RC3H1: variants seen among roughly 807,000 people sequenced by gnomAD.
RC3H1 encodes roquin-1.
Under a neutral mutation model 138.2 loss-of-function variants are expected in RC3H1, and 50 were observed. The observed-to-expected ratio is 0.36, with a 90% CI of 0.29 to 0.46. RC3H1 has a LOEUF of 0.46. Ranked by LOEUF, RC3H1 falls within the 20% of genes least tolerant of loss-of-function variation. RC3H1 has a pLI of 1.00. For synonymous variants in RC3H1, 462 were observed against 489.1 expected, an observed-to-expected ratio of 0.94 and a Z score of 0.73; for missense variants, 1,031 against 1,388.1, an observed-to-expected ratio of 0.74 and a Z score of 4.09.
At chr1:174,021,745 C>A (rs1352621014) in intron 1 of RC3H1, among the ~76,000 whole-genome samples, 1 of 152,210 alleles carries the variant, frequency 6.6e-6, no homozygotes, top group Non-Finnish European at 1.5e-5. Context: ...AGTTCCCGTG[C>A]GCATTCCCCG....
In RC3H1 at chr1:173,934,427, T is replaced by C. The variant is rs932559357; in HGVS notation, c.*4294A>G. On this transcript the variant is annotated 3_prime_UTR_variant, in exon 20 of 20. Transcript: ENST00000367696. Reference sequence around the variant, plus strand: ...GAAACTGATGAATTTTCATTACTTTTACATTTTATAAGGCTAGCTAACTTT... The same window carrying C: ...GAAACTGATGAATTTTCATTACTTTCACATTTTATAAGGCTAGCTAACTTT... The C allele has an allele frequency of 6.6e-6, 1 of 152,240 alleles. No individual in the cohort carries two copies. Among genetic ancestry groups the C allele is most frequent in the Admixed American group, 6.5e-5 (1 of 15,288 alleles). The allele number at this position is 152,240 out of a possible 1,614,324, so 9.4% of individuals were successfully genotyped here. A position where few individuals can be genotyped will look rare whatever the true frequency, so the allele number is the denominator to read the frequency against.
chr1:173,944,050 C>T (rs143562062), intron 17 of RC3H1, among the ~76,000 whole-genome samples: 77 of 151,614 alleles, frequency 5.1e-4, no homozygotes, highest in Non-Finnish European at 7.5e-4. Flanking sequence ...GGTGTGGGCC[C>T]GTAGTCCTAG....
rs993406883 is a variant in RC3H1, at chr1:173,984,530, T to C, written c.321A>G (p.Ala107=). 1 of 1,613,910 alleles carries C rather than the reference T, an allele frequency of 6.2e-7. No homozygotes were observed. Among genetic ancestry groups the C allele is most frequent in the African/African-American group, 1.3e-5 (1 of 74,926 alleles). The change falls in exon 3 of 20, where the codon GCA becomes GCG. Residue 107 remains alanine (A), a synonymous_variant. Coordinates refer to ENST00000367696, the MANE Select transcript of RC3H1 (RefSeq NM_172071.4). The part of the protein sequence containing the change: ...EEAKKCVEEL[A]LYLKPLSSAR... ...CACTGCTGAGCGGTTTTAAGTACAA[T>C]GCTAATTCTTCTACACATTTCTTGG...
chr1:173,952,254 T>A, intron 13 of RC3H1, 116 bp from the exon 14 acceptor site: 1 of 593,960 alleles, frequency 1.7e-6, no homozygotes, highest in Admixed American at 4.1e-5. Context: ...AACATCGTGC[T>A]GAAGCAACAT....
At chr1:173,959,184 T>C (rs1571190103) in intron 13 of RC3H1, among the ~76,000 whole-genome samples, 1 of 152,232 alleles carries the variant, frequency 6.6e-6, no homozygotes. Flanking sequence ...GAGGACATAA[T>C]TGTGTGCACA....
intron 7 of RC3H1, 27 bp downstream of exon 7, chr1:173,978,450 CACATATAAGAT>C (rs771609129): frequency 6.3e-7 from 1 of 1,598,794 alleles, no homozygotes. Context: ...GCACGAAAGG[CACATATAAGAT>C]AGTCCATTAA....
intron 1 of RC3H1, among the ~76,000 whole-genome samples, chr1:174,011,322 G>A (rs928327822): frequency 5.9e-5 from 9 of 151,780 alleles, no homozygotes; most frequent in African/African-American, 1.9e-4. Flanking sequence ...TAAAGTTTTT[G>A]ATAAACTTAA....
chr1:173,995,006 T>C (rs562981496), intron 1 of RC3H1, among the ~76,000 whole-genome samples: 2 of 152,208 alleles, frequency 1.3e-5, no homozygotes, highest in Non-Finnish European at 2.9e-5. Flanking sequence ...AAATATATAA[T>C]TGCAAGTTAT....
chr1:173,942,635 A>G (rs1658938708), intron 18 of RC3H1, among the ~76,000 whole-genome samples: 1 of 151,778 alleles, frequency 6.6e-6, no homozygotes, highest in Non-Finnish European at 1.5e-5. Context: ...GATCGAGACC[A>G]TCCTGGCTAA....
chr1:173,992,726 A>T, intron 2 of RC3H1, 29 bp downstream of exon 2: 2 of 1,517,084 alleles, frequency 1.3e-6, no homozygotes, highest in Non-Finnish European at 1.8e-6. Context: ...AGAGGGAGAA[A>T]TTTAAAAGTA....
intron 1 of RC3H1, among the ~76,000 whole-genome samples, chr1:174,019,860 C>A (rs1433070586): frequency 2.6e-5 from 4 of 152,082 alleles, no homozygotes; most frequent in Admixed American, 6.5e-5. Flanking sequence ...CCAGACTAAG[C>A]CCATAAATTG....
intron 1 of RC3H1, among the ~76,000 whole-genome samples, chr1:174,013,307 T>C (rs1169890123): frequency 6.6e-6 from 1 of 152,052 alleles, no homozygotes; most frequent in African/African-American, 2.4e-5. Flanking sequence ...GGGGGAATCA[T>C]ATATATCAGT....
rs1169468233 is a variant in RC3H1, at chr1:173,936,514, CAAAAAAAAAAAAAAA to C, written c.*2192_*2206del. 74 of 28,164 alleles carry C rather than the reference CAAAAAAAAAAAAAAA, an allele frequency of 2.6e-3. No individual in the cohort carries two copies. The highest frequency in any genetic ancestry group is 0.011 in the African/African-American group (72 of 6,362). The allele number at this position is 28,164 out of a possible 1,614,324, so 1.7% of individuals were successfully genotyped here. On this transcript the variant is annotated 3_prime_UTR_variant, in exon 20 of 20. Transcript: ENST00000367696. The stretch of plus-strand genomic sequence containing the variant: ...GGGCAACAGAAGCAGACTCCCTCTC[CAAAAAAAAAAAAAAA>C]AAAAAAAAAAGAAGGTTGGAGGCCA...
intron 13 of RC3H1, among the ~76,000 whole-genome samples, chr1:173,959,874 G>A (rs1008306463): frequency 6.6e-6 from 1 of 152,044 alleles, no homozygotes; most frequent in Non-Finnish European, 1.5e-5. Flanking sequence ...GGGAAGCTGA[G>A]GTGGGAGGAT....
At chr1:174,004,974 C>G (rs917996195) in intron 1 of RC3H1, among the ~76,000 whole-genome samples, 1 of 152,058 alleles carries the variant, frequency 6.6e-6, no homozygotes, top group African/African-American at 2.4e-5. Flanking sequence ...CGTGAATACT[C>G]CAGCTTGATG....
At chr1:173,994,354 T>C (rs534464285) in intron 1 of RC3H1, among the ~76,000 whole-genome samples, 1 of 152,224 alleles carries the variant, frequency 6.6e-6, no homozygotes, top group African/African-American at 2.4e-5. Flanking sequence ...GATCCGCCAC[T>C]GTACTCCTGC....
intron 13 of RC3H1, among the ~76,000 whole-genome samples, chr1:173,955,495 G>A (rs955263498): frequency 1.3e-5 from 2 of 151,136 alleles, no homozygotes; most frequent in African/African-American, 2.4e-5. Context: ...TTTTGTTTTC[G>A]TATTTTTCGT....
At position 173,964,026 on chromosome 1, in the gene RC3H1, T is replaced by C. The variant is rs771368459; in HGVS notation, c.1778A>G (p.Tyr593Cys). 1.9e-6 allele frequency: 3 copies of C among 1,613,990 alleles called. No individual in the cohort carries two copies. Among genetic ancestry groups the C allele is most frequent in the Non-Finnish European group, 2.5e-6 (3 of 1,180,022 alleles). ...LYPAQQTDVY[Y>C]QDPRGAAPPF... ...CGGAGCTGCTCCTCGAGGATCCTGA[T>C]AATAAACATCCGTCTGTTGTGCTGG... Residue 593 changes from tyrosine to cysteine, a missense_variant, in exon 11 of 20, where the codon TAT (tyrosine) becomes TGT (cysteine). By Grantham distance (194) the Tyr-to-Cys change is radical (BLOSUM62 -2). Transcript: ENST00000367696.
intron 19 of RC3H1, 138 bp from the exon 20 acceptor site, chr1:173,939,009 T>C: frequency 1.6e-6 from 1 of 616,464 alleles, no homozygotes; most frequent in Non-Finnish European, 2.5e-6. Flanking sequence ...CTTATCCATG[T>C]TTTAGCACAC....
Sources: allele counts gnomAD v4.1 joint callset (sites outside exome capture counted in the v4.1 genomes callset), GRCh38; gene constraint gnomAD v4.1.1; transcripts MANE v1.5; gene names NCBI Gene and HGNC (gene_info 2026-07-23, HGNC 2026-07-21).